UNC13B: variants seen among roughly 807,000 people sequenced by gnomAD.
UNC13B encodes unc-13 homolog B.
UNC13B carries 144 observed loss-of-function variants against 211.0 expected under a neutral mutation model. The observed-to-expected ratio is 0.68, with a 90% CI of 0.60 to 0.78. UNC13B has a LOEUF of 0.78. Among genes scored for constraint, UNC13B ranks in the 30% least tolerant of loss-of-function variants. The probability of loss-of-function intolerance (pLI) is 0.00; values close to 1 mark genes in which losing one functional copy is unlikely to be tolerated. For missense variants in UNC13B, 1,777 were observed against 2,002.0 expected (o/e 0.89, Z 2.14); for synonymous variants, 709 against 725.8 (o/e 0.98, Z 0.37).
chr9:35,304,820 G>C lies in UNC13B; in HGVS notation c.5416G>C (p.Glu1806Gln). ...FQSLIMSKQL[E>Q]GNSPNVEKSL... Reference sequence around the variant, plus strand: ...GTCATTAATCATGAGTAAGCAATTAGAGGGTAACTCCCCAAATGTGGAAAA... The same window carrying C: ...GTCATTAATCATGAGTAAGCAATTACAGGGTAACTCCCCAAATGTGGAAAA... Residue 1806 changes from glutamate (E) to glutamine (Q), a missense_variant, in exon 9 of 40, where the codon GAG becomes CAG. Transcript: ENST00000635942. 1 of 398,920 alleles carries C rather than the reference G, an allele frequency of 2.5e-6. No individual in the cohort carries two copies. 24.7% of individuals were successfully genotyped at this position (398,920 alleles called of 1,614,324 possible).
intron 35 of UNC13B, 48 bp downstream of exon 35, chr9:35,399,496 C>T: frequency 2.5e-6 from 4 of 1,612,872 alleles, no homozygotes; most frequent in South Asian, 1.1e-5. Context: ...CTTCTGAAGT[C>T]ATGGAGAGAG....
At chr9:35,275,047 T>C (rs1828093484) in intron 7 of UNC13B, among the ~76,000 whole-genome samples, 3 of 152,196 alleles carry the variant, frequency 2.0e-5, no homozygotes, top group Admixed American at 2.0e-4. Flanking sequence ...TTCTTTTTTT[T>C]TCTTTTCTTT....
At chr9:35,398,118 C>T in intron 30 of UNC13B, 93 bp from the exon 31 acceptor site, 2 of 1,143,462 alleles carry the variant, frequency 1.7e-6, no homozygotes, top group South Asian at 1.5e-5. Flanking sequence ...TATGTGAAGT[C>T]CCTGTGGCTT....
intron 6 of UNC13B, among the ~76,000 whole-genome samples, chr9:35,251,209 C>T (rs1826460903): frequency 6.6e-6 from 1 of 152,024 alleles, no homozygotes; most frequent in Non-Finnish European, 1.5e-5. Flanking sequence ...CGTGATCCGC[C>T]CGCCTCGGCC....
chr9:35,350,518 T>TA (rs1832650589), intron 11 of UNC13B, among the ~76,000 whole-genome samples: 3 of 152,122 alleles, frequency 2.0e-5, no homozygotes, highest in Admixed American at 2.0e-4. Flanking sequence ...AGCAAGCCCT[T>TA]AGAGAGTATT....
At chr9:35,208,456 G>A (rs1018433198) in intron 1 of UNC13B, among the ~76,000 whole-genome samples, 1 of 152,092 alleles carries the variant, frequency 6.6e-6, no homozygotes, top group Non-Finnish European at 1.5e-5. Flanking sequence ...ACCTGAGACT[G>A]GGTAATTTAT....
chr9:35,372,090 T>C (rs1222530333), intron 13 of UNC13B, among the ~76,000 whole-genome samples: 1 of 152,124 alleles, frequency 6.6e-6, no homozygotes, highest in African/African-American at 2.4e-5. Context: ...ACCAACATAG[T>C]GAAACACTGT....
chr9:35,164,107 C>T lies in UNC13B; in HGVS notation c.22+1802C>T, dbSNP rs573425823. 3.3e-5 allele frequency among the ~76,000 whole-genome samples: 5 copies of T among 152,316 alleles called. No individual in the cohort carries two copies. In the East Asian group the frequency reaches 9.6e-4, roughly 29 times the overall value. ...TCTTGGCTCACTGCAACCTCCACCT[C>T]CTGGGTTCAAGTGATTCTCATGCCT... On this transcript the variant is annotated intron_variant, in intron 1 of 39. Transcript: ENST00000635942.
intron 24 of UNC13B, among the ~76,000 whole-genome samples, chr9:35,386,895 C>T (rs1487731194): frequency 2.0e-5 from 3 of 152,156 alleles, no homozygotes; most frequent in African/African-American, 7.2e-5. Flanking sequence ...ATAGTGTCCC[C>T]GATCCATGCT....
chr9:35,269,861 C>G (rs948231947), intron 7 of UNC13B, among the ~76,000 whole-genome samples: 1 of 151,970 alleles, frequency 6.6e-6, no homozygotes, highest in Non-Finnish European at 1.5e-5. Context: ...CTTCGCATAC[C>G]CCCACCCCTC....
chr9:35,398,278 G>C lies in UNC13B; in HGVS notation c.11822G>C (p.Gly3941Ala). Residue 3941 changes from glycine to alanine, a missense_variant, in exon 31 of 40, where the codon GGA becomes GCA. Transcript: ENST00000635942. ...VQLEKMFEAM[G>A]GKELDLEAAD... Reference sequence around the variant, plus strand: ...CTGGAGAAAATGTTTGAGGCCATGGGAGGCAAGGAGGTAGGTCTTAGGGTT... The same window carrying C: ...CTGGAGAAAATGTTTGAGGCCATGGCAGGCAAGGAGGTAGGTCTTAGGGTT... 6.2e-7 allele frequency: 1 copy of C among 1,613,946 alleles called. No individual in the cohort carries two copies. The highest frequency in any genetic ancestry group is 8.5e-7 in the Non-Finnish European group (1 of 1,179,898).
At chr9:35,186,919 C>T (rs575593331) in intron 1 of UNC13B, among the ~76,000 whole-genome samples, 1 of 152,148 alleles carries the variant, frequency 6.6e-6, no homozygotes, top group South Asian at 2.1e-4. Context: ...CTTTGTATAG[C>T]CAGGGTGTGA....
Position 35,390,716 on chromosome 9 carries a change from T to A in UNC13B, c.11308+2T>A. On this transcript the variant is annotated splice_donor_variant, in intron 26 of 39. Transcript: ENST00000635942. LOFTEE classifies it high-confidence loss of function. The stretch of plus-strand genomic sequence containing the variant: ...AAGACATGAAATATGCATTGGAGGG[T>A]AAGGATCTGTTCAAATCAGTGGGCT... 8 of 1,613,500 alleles carry A rather than the reference T, an allele frequency of 5.0e-6. No homozygotes were observed. The highest frequency in any genetic ancestry group is 6.8e-6 in the Non-Finnish European group (8 of 1,179,760).
At chr9:35,377,403 G>A (rs1160946626) in intron 15 of UNC13B, 65 bp from the exon 16 acceptor site, 6 of 1,538,286 alleles carry the variant, frequency 3.9e-6, no homozygotes, top group Non-Finnish European at 5.3e-6. Context: ...GCCTCTCCCA[G>A]GCCCCATTCC....
At chr9:35,258,602 G>T (rs1378495755) in intron 6 of UNC13B, among the ~76,000 whole-genome samples, 4 of 152,164 alleles carry the variant, frequency 2.6e-5, no homozygotes, top group Non-Finnish European at 5.9e-5. Context: ...CCCCAGACAG[G>T]TTTTCACTTG....
At chr9:35,360,477 G>A (rs1233523308) in intron 11 of UNC13B, 5 of 152,184 alleles carry the variant, frequency 3.3e-5, no homozygotes, top group South Asian at 2.1e-4. Context: ...TACAAAATAA[G>A]TGTTTGATTA....
intron 1 of UNC13B, among the ~76,000 whole-genome samples, chr9:35,225,541 A>G (rs1424212715): frequency 6.6e-6 from 1 of 151,292 alleles, no homozygotes; most frequent in East Asian, 1.9e-4. Flanking sequence ...TTTTTTAGGG[A>G]AAGACTTTTT....
intron 11 of UNC13B, chr9:35,342,208 G>T: frequency 1.0e-6 from 1 of 985,710 alleles, no homozygotes; most frequent in African/African-American, 1.7e-5. Context: ...TCGTCCTGTG[G>T]CTTCTCTGTC....
In UNC13B at chr9:35,389,488, C is replaced by T. The variant is rs562165235; in HGVS notation, c.11095-358C>T. On this transcript the variant is annotated intron_variant, in intron 24 of 39. Coordinates refer to ENST00000635942, the MANE Select transcript of UNC13B (RefSeq NM_001371189.2). Reference sequence around the variant, plus strand: ...AGGAGGGCTGCCTGCCTGTAGGGGCCGCATAGAAGTAGACCTATTTAGTAA... The same window carrying T: ...AGGAGGGCTGCCTGCCTGTAGGGGCTGCATAGAAGTAGACCTATTTAGTAA... Among the ~76,000 whole-genome samples the T allele has an allele frequency of 1.3e-4, 20 of 152,214 alleles. No individual in the cohort carries two copies. The East Asian group carries it at 1.7e-3, about 13-fold the overall frequency.
Sources: allele counts gnomAD v4.1 joint callset (sites outside exome capture counted in the v4.1 genomes callset), GRCh38; gene constraint gnomAD v4.1.1; transcripts MANE v1.5; gene names NCBI Gene and HGNC (gene_info 2026-07-23, HGNC 2026-07-21).